The following TOX2 variants were observed in gnomAD, a reference collection of about 807,000 sequenced individuals.
TOX2 encodes the protein granulosa cell HMG box 1.
A neutral mutation model predicts 47.4 loss-of-function variants in TOX2; 15 were observed. That is an observed-to-expected ratio of 0.32 (90% CI 0.21 to 0.49). TOX2 has a LOEUF of 0.49. Among genes scored for constraint, TOX2 ranks in the 20% least tolerant of loss-of-function variants. The pLI is 0.99. For synonymous variants in TOX2, 290 were observed against 296.6 expected (o/e 0.98, Z 0.23); for missense variants, 622 against 673.1 (o/e 0.92, Z 0.84).
chr20:44,030,778 C>T (rs1281753179), intron 3 of TOX2, among the ~76,000 whole-genome samples: 1 of 152,194 alleles, frequency 6.6e-6, no homozygotes, highest in Non-Finnish European at 1.5e-5. Context: ...TAAAGTGACA[C>T]ATGCCTTCCT....
In TOX2 at chr20:43,915,081, G is replaced by T. The variant is rs564100129; in HGVS notation, c.99+91G>T. On this transcript the variant is annotated intron_variant, in intron 1 of 8. Coordinates refer to ENST00000341197, the MANE Select transcript of TOX2 (RefSeq NM_001098797.2). This position sits in a 1 kb window ranked among gnomAD's most constrained non-coding sequence, Gnocchi z 7.1. The stretch of plus-strand genomic sequence containing the variant: ...GGCGCTCCCGGGGTCACACGGGGCC[G>T]CGCACATCAGCCCCGCCGACGGGCA... 1.5e-5 allele frequency: 11 copies of T among 709,680 alleles called. No individual in the cohort carries two copies. The highest frequency in any genetic ancestry group is 6.2e-4 in the Middle Eastern group (1 of 1,606). The allele number at this position is 709,680 out of a possible 1,614,324, so 44.0% of individuals were successfully genotyped here.
intron 2 of TOX2, among the ~76,000 whole-genome samples, chr20:44,002,798 T>C (rs1201036728): frequency 6.6e-6 from 1 of 152,046 alleles, no homozygotes; most frequent in Non-Finnish European, 1.5e-5. Context: ...CCAGTCTCTT[T>C]AAACAACCAG....
rs2070049922 is a variant in TOX2, at chr20:43,974,929, A to C, written c.165+1497A>C. Among the ~76,000 whole-genome samples the C allele has an allele frequency of 3.9e-5, 6 of 152,220 alleles. No individual in the cohort carries two copies. In the South Asian group the frequency reaches 1.2e-3, roughly 32 times the overall value. ...ATGCTGCTGCTGCAAAGCTGCCTTTATATTGCATTGACATGCGCCAACATG... is the reference window on the plus strand; with the variant it reads ...ATGCTGCTGCTGCAAAGCTGCCTTTCTATTGCATTGACATGCGCCAACATG... On this transcript the variant is annotated intron_variant, in intron 2 of 8. Transcript: ENST00000341197.
chr20:43,978,553 A>G (rs909014859), intron 2 of TOX2, among the ~76,000 whole-genome samples: 1 of 152,140 alleles, frequency 6.6e-6, no homozygotes, highest in African/African-American at 2.4e-5. Context: ...CTCATTTACA[A>G]CTTGGTGTTT....
chr20:43,928,780 G>A (rs1156513641), intron 1 of TOX2, among the ~76,000 whole-genome samples: 1 of 152,110 alleles, frequency 6.6e-6, no homozygotes, highest in Non-Finnish European at 1.5e-5. Context: ...GAGGAGCCAT[G>A]GTGGCCACCA....
chr20:43,925,619 G>A (rs1413673389), intron 1 of TOX2, among the ~76,000 whole-genome samples: 1 of 152,178 alleles, frequency 6.6e-6, no homozygotes, highest in Non-Finnish European at 1.5e-5. Flanking sequence ...GGGTCCCAGC[G>A]CAGGCTTCCT....
chr20:43,955,485 A>G, intron 1 of TOX2, among the ~76,000 whole-genome samples: 1 of 152,212 alleles, frequency 6.6e-6, no homozygotes, highest in Non-Finnish European at 1.5e-5. Flanking sequence ...GTACTCAGAC[A>G]TTTCTGATGT....
chr20:44,019,824 C>T (rs1479736195), intron 3 of TOX2, among the ~76,000 whole-genome samples: 1 of 152,212 alleles, frequency 6.6e-6, no homozygotes, highest in African/African-American at 2.4e-5. Flanking sequence ...AAGTCACTTT[C>T]CTTCCGGCCT....
At chr20:44,002,754 G>A (rs1489430263) in intron 2 of TOX2, among the ~76,000 whole-genome samples, 1 of 152,124 alleles carries the variant, frequency 6.6e-6, no homozygotes, top group Non-Finnish European at 1.5e-5. Context: ...ATGTCACACG[G>A]CAGGAGAATG....
intron 3 of TOX2, among the ~76,000 whole-genome samples, chr20:44,030,598 C>T (rs1004364863): frequency 2.6e-5 from 4 of 152,160 alleles, no homozygotes; most frequent in Admixed American, 6.5e-5. Context: ...TGCCCTTGAC[C>T]GCTGATCTTA....
At chr20:43,970,500 A>C (rs1465706244) in intron 1 of TOX2, among the ~76,000 whole-genome samples, 1 of 151,674 alleles carries the variant, frequency 6.6e-6, no homozygotes, top group African/African-American at 2.4e-5. Context: ...TCTGTTTCTC[A>C]TGCATATTCC....
chr20:43,966,573 C>T (rs952580357), intron 1 of TOX2, among the ~76,000 whole-genome samples: 3 of 152,044 alleles, frequency 2.0e-5, no homozygotes, highest in Middle Eastern at 3.4e-3. Flanking sequence ...GCCTGGTCAA[C>T]GTGGTGAAAC....
chr20:44,036,788 T>C (rs1218554355), intron 3 of TOX2, among the ~76,000 whole-genome samples: 2 of 152,256 alleles, frequency 1.3e-5, no homozygotes, highest in African/African-American at 4.8e-5. Flanking sequence ...AAATATTTAC[T>C]GTCTGACCCT....
intron 2 of TOX2, among the ~76,000 whole-genome samples, chr20:43,981,632 T>C (rs1043945231): frequency 1.3e-5 from 2 of 152,296 alleles, no homozygotes; most frequent in South Asian, 2.1e-4. Context: ...ATTATAACTT[T>C]AGAAAGTTAA....
intron 1 of TOX2, among the ~76,000 whole-genome samples, chr20:43,961,635 G>C (rs760666081): frequency 5.3e-5 from 8 of 152,116 alleles, no homozygotes; most frequent in Non-Finnish European, 1.2e-4. Flanking sequence ...TGGGAGCAGG[G>C]ACGAGCCCAC....
chr20:44,054,341 G>A lies in TOX2; in HGVS notation c.694G>A (p.Ala232Thr), dbSNP rs74593867. 3 of 1,612,686 alleles carry A rather than the reference G, an allele frequency of 1.9e-6. No individual in the cohort carries two copies. Among genetic ancestry groups the A allele is most frequent in the Non-Finnish European group, 2.5e-6 (3 of 1,179,530 alleles). ...KRPSADPGKKAKNPKKKKKKD... is the reference protein window; with the variant it reads ...KRPSADPGKKTKNPKKKKKKD... The stretch of plus-strand genomic sequence containing the variant: ...ACCTTCAGCCGACCCAGGAAAAAAG[G>A]CCAAGAACCCGAAGAAGAAGAAAAA... Residue 232 changes from alanine to threonine, a missense_variant, in exon 5 of 9, where the codon GCC (alanine) becomes ACC (threonine). Around this residue, in one of 3 missense-constraint regions of TOX2, gnomAD observed 307 missense variants for 327.3 expected, o/e 0.94. Transcript: ENST00000341197.
intron 1 of TOX2, among the ~76,000 whole-genome samples, chr20:43,950,228 A>G (rs2069537878): frequency 6.6e-6 from 1 of 152,204 alleles, no homozygotes; most frequent in African/African-American, 2.4e-5. Flanking sequence ...AATAGCAGCC[A>G]TCGGGGCAAC....
chr20:43,920,751 C>T (rs1024217842), intron 1 of TOX2, among the ~76,000 whole-genome samples: 1 of 152,056 alleles, frequency 6.6e-6, no homozygotes, highest in Non-Finnish European at 1.5e-5. Context: ...GAAGGCAAAC[C>T]GGTGACCATC....
intron 2 of TOX2, among the ~76,000 whole-genome samples, chr20:43,986,230 T>C (rs374106156): frequency 2.8e-5 from 4 of 144,708 alleles, no homozygotes; most frequent in East Asian, 2.0e-4. Flanking sequence ...AAAGATATAA[T>C]GGGAAGGGAC....
Sources: gnomAD v4.1 joint callset for allele counts (sites outside exome capture counted in the v4.1 genomes callset) on GRCh38, gnomAD v4.1.1 for gene constraint, gnomAD v4.1.1 regional missense constraint, Gnocchi (gnomAD v3.1) non-coding constraint, MANE v1.5 for transcripts, NCBI Gene and HGNC (gene_info 2026-07-23, HGNC 2026-07-21) for gene names.